DPY19L1: variants seen among roughly 807,000 people sequenced by gnomAD.
The protein encoded by DPY19L1 is protein C-mannosyl-transferase DPY19L1.
A neutral mutation model predicts 96.9 loss-of-function variants in DPY19L1; 35 were observed. The ratio of observed to expected loss-of-function variants is 0.36; its 90% confidence interval spans 0.28 to 0.48. The LOEUF is 0.48. Among genes scored for constraint, DPY19L1 ranks in the 20% least tolerant of loss-of-function variants. The pLI is 0.99. For synonymous variants in DPY19L1, 205 were observed against 252.6 expected (o/e 0.81, Z 1.79); for missense variants, 521 against 777.9 (o/e 0.67, Z 3.93).
At chr7:35,002,922 C>G (rs1286963572) in intron 6 of DPY19L1, among the ~76,000 whole-genome samples, 2 of 152,160 alleles carry the variant, frequency 1.3e-5, no homozygotes, top group Admixed American at 6.5e-5. Flanking sequence ...GTGCCCGCCA[C>G]CACGCTTGGC....
At chr7:34,988,510 A>G (rs569460714) in intron 7 of DPY19L1, among the ~76,000 whole-genome samples, 2 of 151,798 alleles carry the variant, frequency 1.3e-5, no homozygotes, top group Non-Finnish European at 2.9e-5. Flanking sequence ...CTAGCTTTAC[A>G]TTTCTGTGAT....
At chr7:34,968,212 G>C (rs1784650802) in intron 9 of DPY19L1, among the ~76,000 whole-genome samples, 1 of 151,954 alleles carries the variant, frequency 6.6e-6, no homozygotes, top group African/African-American at 2.4e-5. Flanking sequence ...TACAAATAGA[G>C]CCTATTTTAA....
chr7:34,984,497 T>G (rs1441221993), intron 7 of DPY19L1, among the ~76,000 whole-genome samples: 1 of 152,176 alleles, frequency 6.6e-6, no homozygotes, highest in African/African-American at 2.4e-5. Flanking sequence ...GAAATCCAGC[T>G]GGGCAAGGTC....
chr7:34,959,925 T>TAAA (rs1562806987), intron 10 of DPY19L1, among the ~76,000 whole-genome samples: 2,938 of 127,888 alleles, frequency 0.023, 56 homozygotes, highest in Non-Finnish European at 0.038. Context: ...ATATATATAT[T>TAAA]TATATATATA....
chr7:35,005,443 A>G lies in DPY19L1; in HGVS notation c.764+5025T>C, dbSNP rs1228924571. Among the ~76,000 whole-genome samples the G allele has an allele frequency of 2.0e-5, 3 of 151,168 alleles. No individual in the cohort carries two copies. In the East Asian group the frequency reaches 5.9e-4, roughly 30 times the overall value. On this transcript the variant is annotated intron_variant, in intron 6 of 21. Coordinates refer to ENST00000638088, the MANE Select transcript of DPY19L1 (RefSeq NM_001366673.1). Reference sequence around the variant, plus strand: ...TGGGACCAGGGCCTCGCTGCTGGGGAGAGGAGGAAGGGGTGGGAGACTAGA... The same window carrying G: ...TGGGACCAGGGCCTCGCTGCTGGGGGGAGGAGGAAGGGGTGGGAGACTAGA...
intron 6 of DPY19L1, among the ~76,000 whole-genome samples, chr7:34,993,925 G>A (rs116938986): frequency 0.022 from 3,278 of 151,834 alleles, 48 homozygotes; most frequent in Non-Finnish European, 0.032. Context: ...AAAATTAGCC[G>A]TGTGGTGGCG....
At chr7:34,995,390 A>G (rs565152703) in intron 6 of DPY19L1, among the ~76,000 whole-genome samples, 1 of 152,284 alleles carries the variant, frequency 6.6e-6, no homozygotes, top group South Asian at 2.1e-4. Context: ...TGCAAATTTT[A>G]AAACATTCTA....
At chr7:34,980,593 T>C (rs1784919646) in intron 7 of DPY19L1, among the ~76,000 whole-genome samples, 1 of 152,140 alleles carries the variant, frequency 6.6e-6, no homozygotes, top group South Asian at 2.1e-4. Context: ...AGAGTTCCCA[T>C]ATATGAATAA....
intron 8 of DPY19L1, 44 bp downstream of exon 8, chr7:34,973,470 A>T (rs1784769291): frequency 1.6e-6 from 2 of 1,273,910 alleles, no homozygotes; most frequent in East Asian, 2.8e-5. Context: ...AATTTTAGTT[A>T]AAATTATTTA....
chr7:35,018,555 G>GAA lies in DPY19L1; in HGVS notation c.323+15_323+16dup. On this transcript the variant is annotated intron_variant, in intron 2 of 21. Transcript: ENST00000638088. The stretch of plus-strand genomic sequence containing the variant: ...AACGTCTGCATAAAATACCATAGGA[G>GAA]AAAAAAACAATCTTACCAGTGCAAC... 3 of 1,603,008 alleles carry GAA rather than the reference G, an allele frequency of 1.9e-6. No homozygotes were observed. Among genetic ancestry groups the GAA allele is most frequent in the Non-Finnish European group, 2.6e-6 (3 of 1,174,728 alleles).
intron 1 of DPY19L1, among the ~76,000 whole-genome samples, chr7:35,031,952 G>C (rs1443997827): frequency 6.6e-6 from 1 of 152,096 alleles, no homozygotes; most frequent in Non-Finnish European, 1.5e-5. Flanking sequence ...CTCACAGCTG[G>C]TGCTCAGTTG....
chr7:34,947,570 A>C (rs1230928087), intron 15 of DPY19L1, 60 bp downstream of exon 15: 13 of 1,440,908 alleles, frequency 9.0e-6, no homozygotes, highest in Non-Finnish European at 1.3e-5. Context: ...ATATGCGACT[A>C]CTATGTAAAA....
chr7:34,972,805 A>G (rs1784751576), intron 8 of DPY19L1, among the ~76,000 whole-genome samples: 1 of 152,212 alleles, frequency 6.6e-6, no homozygotes, highest in African/African-American at 2.4e-5. Flanking sequence ...AAGCTAATGC[A>G]AAAACATTAC....
chr7:35,037,276 G>C lies in DPY19L1; in HGVS notation c.119C>G (p.Pro40Arg), dbSNP rs1159088147. 3.1e-6 allele frequency: 1 copy of C among 326,224 alleles called. No homozygotes were observed. The highest frequency in any genetic ancestry group is 5.0e-5 in the Admixed American group (1 of 20,076). 20.2% of individuals were successfully genotyped at this position (326,224 alleles called of 1,614,324 possible). ...ASDVGAGEPG[P>R]ERAPLSPGRK... Reference sequence around the variant, plus strand: ...CCCCGGGGACAGGGGCGCGCGCTCGGGCCCCGGCTCCCCGGCGCCGACGTC... The same window carrying C: ...CCCCGGGGACAGGGGCGCGCGCTCGCGCCCCGGCTCCCCGGCGCCGACGTC... The change falls in exon 1 of 22, where the codon CCC becomes CGC. Residue 40 changes from proline (P) to arginine (R), a missense_variant. Coordinates refer to ENST00000638088, the MANE Select transcript of DPY19L1 (RefSeq NM_001366673.1).
chr7:35,024,861 G>C (rs1786085001), intron 1 of DPY19L1, among the ~76,000 whole-genome samples: 1 of 152,214 alleles, frequency 6.6e-6, no homozygotes, highest in Non-Finnish European at 1.5e-5. Flanking sequence ...TCAAGGCTGA[G>C]TCTGTGTATA....
intron 6 of DPY19L1, among the ~76,000 whole-genome samples, chr7:34,997,186 T>A (rs1785305952): frequency 6.6e-6 from 1 of 151,904 alleles, no homozygotes; most frequent in Non-Finnish European, 1.5e-5. Flanking sequence ...ACAACTTTCA[T>A]CAATTTATGC....
chr7:34,948,706 G>GT (rs1310740147), intron 14 of DPY19L1, among the ~76,000 whole-genome samples: 1 of 152,156 alleles, frequency 6.6e-6, no homozygotes, highest in East Asian at 1.9e-4. Flanking sequence ...ATTTGAAGGA[G>GT]TCTTGAACCC....
At chr7:34,999,788 A>G (rs775332079) in intron 6 of DPY19L1, among the ~76,000 whole-genome samples, 9 of 152,272 alleles carry the variant, frequency 5.9e-5, no homozygotes, top group Non-Finnish European at 1.2e-4. Flanking sequence ...ACAAAATATT[A>G]GCAATAATTA....
intron 21 of DPY19L1, among the ~76,000 whole-genome samples, chr7:34,934,656 A>G (rs1783828365): frequency 6.6e-6 from 1 of 152,058 alleles, no homozygotes; most frequent in African/African-American, 2.4e-5. Flanking sequence ...TTGGGATGAA[A>G]TTGTTTCACC....
Sources: gnomAD v4.1 joint callset for allele counts (sites outside exome capture counted in the v4.1 genomes callset) on GRCh38, gnomAD v4.1.1 for gene constraint, MANE v1.5 for transcripts, NCBI Gene and HGNC (gene_info 2026-07-23, HGNC 2026-07-21) for gene names.